GABRB2: variants seen among roughly 807,000 people sequenced by gnomAD.
The protein encoded by GABRB2 is gamma-aminobutyric acid receptor subunit beta-2.
In GABRB2, 16 loss-of-function variants were observed where a neutral mutation model predicts 54.7. That is an observed-to-expected ratio of 0.29 (90% CI 0.20 to 0.44). The LOEUF is 0.44. Among genes scored for constraint, GABRB2 ranks in the 20% least tolerant of loss-of-function variants. The probability of loss-of-function intolerance (pLI) is 1.00; values close to 1 mark genes in which losing one functional copy is unlikely to be tolerated. For missense variants in GABRB2, 355 were observed against 644.0 expected (o/e 0.55, Z 4.86); for synonymous variants, 244 against 233.8 (o/e 1.04, Z -0.40).
At chr5:161,492,829 A>G (rs576136863) in intron 3 of GABRB2, among the ~76,000 whole-genome samples, 2 of 151,860 alleles carry the variant, frequency 1.3e-5, no homozygotes, top group South Asian at 4.1e-4. Context: ...GATCTCAGAC[A>G]TCTTTCAAAT....
chr5:161,321,371 C>T (rs999302375), intron 9 of GABRB2, among the ~76,000 whole-genome samples: 27 of 152,104 alleles, frequency 1.8e-4, no homozygotes, highest in African/African-American at 6.5e-4. Flanking sequence ...TATTTATTAT[C>T]CAGCTTTTTA....
chr5:161,504,930 T>C (rs1489329050), intron 3 of GABRB2, among the ~76,000 whole-genome samples: 1 of 151,898 alleles, frequency 6.6e-6, no homozygotes, highest in Admixed American at 6.6e-5. Flanking sequence ...AATAGGCCAA[T>C]AACTATGAAA....
chr5:161,404,535 TG>T lies in GABRB2; in HGVS notation c.541+6439del, dbSNP rs374639143. Reference sequence around the variant, plus strand: ...CATGCACACATACCTTCTCTTCTGTTGAGCCTTAAGAAGATCAAAATATTCA... The same window carrying T: ...CATGCACACATACCTTCTCTTCTGTTAGCCTTAAGAAGATCAAAATATTCA... On this transcript the variant is annotated intron_variant, in intron 5 of 9. Coordinates refer to ENST00000393959, the MANE Select transcript of GABRB2 (RefSeq NM_001371727.1). Among the ~76,000 whole-genome samples the T allele has an allele frequency of 2.3e-3, 348 of 152,120 alleles. 2 individuals carry two copies. Among genetic ancestry groups the T allele is most frequent in the African/African-American group, 7.8e-3 (324 of 41,524 alleles).
intron 3 of GABRB2, among the ~76,000 whole-genome samples, chr5:161,461,603 A>G (rs17522216): frequency 0.019 from 2,892 of 152,316 alleles, 39 homozygotes; most frequent in Middle Eastern, 0.078. Context: ...TTTATCCATT[A>G]GAAGCCTATG....
At chr5:161,312,100 G>C (rs1757887625) in intron 9 of GABRB2, among the ~76,000 whole-genome samples, 1 of 151,978 alleles carries the variant, frequency 6.6e-6, no homozygotes, top group African/African-American at 2.4e-5. Flanking sequence ...AAACCCTCAG[G>C]GGAGTCTAAG....
chr5:161,397,195 G>A (rs1038070487), intron 5 of GABRB2, among the ~76,000 whole-genome samples: 1 of 152,166 alleles, frequency 6.6e-6, no homozygotes, highest in African/African-American at 2.4e-5. Context: ...GAAAGACACA[G>A]TCAAGTAACT....
intron 3 of GABRB2, among the ~76,000 whole-genome samples, chr5:161,472,331 C>T (rs1191117395): frequency 2.0e-5 from 3 of 151,644 alleles, no homozygotes; most frequent in African/African-American, 4.8e-5. Context: ...GCCTCTGGAA[C>T]ACCCATCTTA....
chr5:161,302,530 G>C (rs1202856522), intron 9 of GABRB2, among the ~76,000 whole-genome samples: 3 of 152,104 alleles, frequency 2.0e-5, no homozygotes, highest in Admixed American at 2.0e-4. Context: ...CCTTGCAAAG[G>C]GGAAATGGGA....
At chr5:161,499,098 A>G (rs187026040) in intron 3 of GABRB2, among the ~76,000 whole-genome samples, 88 of 152,152 alleles carry the variant, frequency 5.8e-4, no homozygotes, top group Non-Finnish European at 1.0e-3. Flanking sequence ...CACAGCCTCC[A>G]TACTAGCATT....
chr5:161,503,518 G>T (rs1187091468), intron 3 of GABRB2, among the ~76,000 whole-genome samples: 11 of 152,024 alleles, frequency 7.2e-5, no homozygotes, highest in Admixed American at 7.2e-4. Flanking sequence ...AGAACAGCCT[G>T]ACCAACTTGG....
At chr5:161,468,557 C>T (rs1475424421) in intron 3 of GABRB2, among the ~76,000 whole-genome samples, 5 of 151,980 alleles carry the variant, frequency 3.3e-5, no homozygotes, top group Admixed American at 3.3e-4. Flanking sequence ...TGTCACATCC[C>T]TCATTTTTAT....
intron 3 of GABRB2, among the ~76,000 whole-genome samples, chr5:161,468,297 A>G (rs529411259): frequency 6.6e-6 from 1 of 152,148 alleles, no homozygotes; most frequent in South Asian, 2.1e-4. Context: ...GATTCTGCCT[A>G]CCTCCTTGAT....
intron 3 of GABRB2, among the ~76,000 whole-genome samples, chr5:161,466,190 T>C (rs62381571): frequency 0.13 from 20,044 of 152,008 alleles, 1,404 homozygotes; most frequent in East Asian, 0.2. Flanking sequence ...AGCAATATTG[T>C]ATCCATCATA....
intron 8 of GABRB2, among the ~76,000 whole-genome samples, chr5:161,327,439 GAT>G (rs1322210620): frequency 1.3e-5 from 2 of 151,774 alleles, no homozygotes; most frequent in Non-Finnish European, 2.9e-5. Context: ...ACTGGAGAAG[GAT>G]AGAAAAATCC....
At chr5:161,416,696 C>CAAACAAAAAAAAAAAAAAAAAA in intron 4 of GABRB2, among the ~76,000 whole-genome samples, 1 of 35,122 alleles carries the variant, frequency 2.8e-5, no homozygotes, top group Non-Finnish European at 7.1e-5. Flanking sequence ...GACTCCGTCT[C>CAAACAAAAAAAAAAAAAAAAAA]AAAAAAAAAA....
intron 7 of GABRB2, among the ~76,000 whole-genome samples, chr5:161,333,213 G>A (rs1209182125): frequency 1.3e-5 from 2 of 152,106 alleles, no homozygotes; most frequent in African/African-American, 4.8e-5. Context: ...TGGGATATTT[G>A]CAAATTTTAT....
At chr5:161,490,048 GA>G (rs201822803) in intron 3 of GABRB2, among the ~76,000 whole-genome samples, 9 of 150,830 alleles carry the variant, frequency 6.0e-5, no homozygotes, top group African/African-American at 1.5e-4. Context: ...AGACTTCAGA[GA>G]AAAAAAAATC....
In GABRB2 at chr5:161,330,946, T is replaced by C. The variant is rs747854210; in HGVS notation, c.1014A>G (p.Gln338=). 4.2e-5 allele frequency: 68 copies of C among 1,614,116 alleles called. No homozygotes were observed. Among genetic ancestry groups the C allele is most frequent in the Middle Eastern group, 3.3e-4 (2 of 6,084 alleles). ...YIFFGRGPQR[Q]KKAAEKAASA... ...TGGCAGCCTTCTCAGCTGCTTTCTT[T>C]TGGCGTTGGGGCCCCCTCCCAAAGA... The change falls in exon 8 of 10, where the codon CAA becomes CAG. Residue 338 remains glutamine, a synonymous_variant. Coordinates refer to ENST00000393959, the MANE Select transcript of GABRB2 (RefSeq NM_001371727.1).
chr5:161,308,542 C>T (rs80150661), intron 9 of GABRB2, among the ~76,000 whole-genome samples: 1 of 152,098 alleles, frequency 6.6e-6, no homozygotes. Context: ...CAAAAAGGAG[C>T]CCAAATAGCC....
Sources: gnomAD v4.1 joint callset for allele counts (sites outside exome capture counted in the v4.1 genomes callset) on GRCh38, gnomAD v4.1.1 for gene constraint, MANE v1.5 for transcripts, NCBI Gene and HGNC (gene_info 2026-07-23, HGNC 2026-07-21) for gene names.